Variants in DMD observed in about 807,000 individuals in gnomAD.
DMD encodes the protein mutant dystrophin.
DMD carries 63 observed loss-of-function variants against 330.1 expected under a neutral mutation model. The observed-to-expected ratio is 0.19, with a 90% CI of 0.16 to 0.24. The LOEUF (loss-of-function observed/expected upper bound fraction) is 0.24. Ranked by LOEUF, DMD falls within the 10% of genes least tolerant of loss-of-function variation. The pLI, the probability that DMD is intolerant of heterozygous loss-of-function variation, is 1.00. For missense variants in DMD, 3,344 were observed against 2,684.1 expected (o/e 1.25, Z -5.43); for synonymous variants, 1,223 against 959.8 (o/e 1.27, Z -5.07).
intron 1 of DMD, among the ~76,000 whole-genome samples, chrX:33,047,965 T>G (rs2094405888): frequency 8.9e-6 from 1 of 112,476 alleles, no homozygotes; most frequent in African/African-American, 3.2e-5. Context: ...TTTTCACAAT[T>G]TGTAAACTTA....
chrX:33,240,968 A>T (rs1347626654), intron 1 of DMD, among the ~76,000 whole-genome samples: 1 of 111,971 alleles, frequency 8.9e-6, no homozygotes, highest in African/African-American at 3.2e-5. Context: ...AACCCCTTAT[A>T]AGATGTATGG....
At chrX:31,324,856 C>G (rs1350428949) in intron 61 of DMD, among the ~76,000 whole-genome samples, 1 of 112,064 alleles carries the variant, frequency 8.9e-6, no homozygotes, top group Non-Finnish European at 1.9e-5. Flanking sequence ...AGAACAGCTT[C>G]TAATAAAAGT....
intron 1 of DMD, among the ~76,000 whole-genome samples, chrX:33,198,022 T>C (rs1184101672): frequency 9.0e-6 from 1 of 111,696 alleles, no homozygotes; most frequent in Non-Finnish European, 1.9e-5. Flanking sequence ...TGTACCATTT[T>C]ACATTCCCAT....
At chrX:31,544,355 G>A (rs1215405932) in intron 55 of DMD, among the ~76,000 whole-genome samples, 3 of 107,728 alleles carry the variant, frequency 2.8e-5, no homozygotes, top group Non-Finnish European at 3.8e-5. Context: ...TTCAAGTTAC[G>A]CTACTCCAAA....
At chrX:33,237,582 C>G (rs1464679707) in intron 1 of DMD, among the ~76,000 whole-genome samples, 1 of 111,445 alleles carries the variant, frequency 9.0e-6, no homozygotes, top group East Asian at 2.8e-4. Flanking sequence ...TGAGGTAGGA[C>G]TTTCATACCA....
intron 44 of DMD, among the ~76,000 whole-genome samples, chrX:32,056,308 G>T (rs1256053459): frequency 1.8e-5 from 1 of 57,123 alleles, no homozygotes; most frequent in Non-Finnish European, 3.6e-5. Context: ...AATTGAAATA[G>T]AAAACAATAG....
chrX:32,909,572 T>G (rs2087040110), intron 2 of DMD, among the ~76,000 whole-genome samples: 2 of 111,687 alleles, frequency 1.8e-5, no homozygotes, highest in African/African-American at 3.3e-5. Flanking sequence ...AGTCTCAGCT[T>G]AGTCTGTTAC....
chrX:33,198,784 C>T lies in DMD; in HGVS notation c.31+12498G>A, dbSNP rs755693415. On this transcript the variant is annotated intron_variant, in intron 1 of 78. Transcript: ENST00000357033. ...ACATACATATGGAATCATAACAGTG[C>T]TATGTGTTATGAACAGATGTTACGT... Among the ~76,000 whole-genome samples the T allele has an allele frequency of 2.7e-4, 30 of 110,427 alleles. 1 individual carries two copies. In the South Asian group the frequency reaches 0.011, roughly 39 times the overall value.
intron 43 of DMD, among the ~76,000 whole-genome samples, chrX:32,235,790 C>T (rs945135186): frequency 9.0e-6 from 1 of 111,342 alleles, no homozygotes; most frequent in Non-Finnish European, 1.9e-5. Flanking sequence ...GGATTTTTAA[C>T]TTAATGAAAT....
At chrX:32,807,122 T>TTAAAAAAAAAAAAAAAA (rs1345640031) in intron 7 of DMD, among the ~76,000 whole-genome samples, 6 of 20,746 alleles carry the variant, frequency 2.9e-4, no homozygotes, top group African/African-American at 1.3e-3. Flanking sequence ...CGGAAACATT[T>TTAAAAAAAAAAAAAAAA]AAAAAAAAAA....
At chrX:32,643,950 T>C (rs2059630669) in intron 11 of DMD, among the ~76,000 whole-genome samples, 182 bp downstream of exon 11, 1 of 112,046 alleles carries the variant, frequency 8.9e-6, no homozygotes, top group Non-Finnish European at 1.9e-5. Context: ...TCTGCTCTTT[T>C]AGTTACAAAA....
chrX:31,960,083 A>G (rs2095288122), intron 45 of DMD, among the ~76,000 whole-genome samples: 1 of 107,434 alleles, frequency 9.3e-6, no homozygotes, highest in African/African-American at 3.4e-5. Flanking sequence ...AATCACCTTT[A>G]TCAAGTCTTC....
At chrX:31,466,987 AT>A (rs1346248777) in intron 59 of DMD, among the ~76,000 whole-genome samples, 1 of 111,809 alleles carries the variant, frequency 8.9e-6, no homozygotes, top group Admixed American at 9.5e-5. Flanking sequence ...GCGTATAGGA[AT>A]GCTTACTATT....
chrX:31,339,135 T>C (rs139550395), intron 61 of DMD, among the ~76,000 whole-genome samples: 1,394 of 110,780 alleles, frequency 0.013, 15 homozygotes, highest in African/African-American at 0.042. Flanking sequence ...GAAATTCCCA[T>C]AGCAGAAACA....
intron 21 of DMD, among the ~76,000 whole-genome samples, chrX:32,475,367 A>C (rs1384815756): frequency 9.1e-6 from 1 of 110,376 alleles, no homozygotes; most frequent in Non-Finnish European, 1.9e-5. Flanking sequence ...TTAATTTTAG[A>C]ATTTTTTTTC....
rs780870037 is a variant in DMD at position 32,155,579 on chromosome X, C to T, written c.6438+61337G>A. On this transcript the variant is annotated intron_variant, in intron 44 of 78. Coordinates refer to ENST00000357033, the MANE Select transcript of DMD (RefSeq NM_004006.3). ...ACTCTGCTGGATCATGGATTGGACT[C>T]AATTTCACTCCACACACAGTCTGCA... 7.0e-5 allele frequency: 16 copies of T among 227,020 alleles called. No homozygotes were observed. In the South Asian group the frequency reaches 3.2e-3, roughly 45 times the overall value. The allele number at this position is 227,020 out of a possible 1,213,427, so 18.7% of individuals were successfully genotyped here.
intron 2 of DMD, among the ~76,000 whole-genome samples, chrX:32,892,965 C>G (rs947597992): frequency 9.0e-6 from 1 of 111,465 alleles, no homozygotes; most frequent in African/African-American, 3.3e-5. Flanking sequence ...CAGACATTTT[C>G]TCCTGGGAAG....
intron 45 of DMD, among the ~76,000 whole-genome samples, chrX:31,949,436 C>A (rs924741816): frequency 6.3e-5 from 7 of 111,457 alleles, no homozygotes; most frequent in Non-Finnish European, 1.3e-4. Flanking sequence ...TTCTTAGTAT[C>A]ATTTTCAATT....
intron 48 of DMD, 63 bp from the exon 49 acceptor site, chrX:31,836,882 T>G (rs1217203690): frequency 2.1e-6 from 2 of 970,235 alleles, no homozygotes; most frequent in African/African-American, 3.8e-5. Context: ...TTACTAAATT[T>G]AAATATACCC....
Sources: gnomAD v4.1 joint callset for allele counts (sites outside exome capture counted in the v4.1 genomes callset) on GRCh38, gnomAD v4.1.1 for gene constraint, MANE v1.5 for transcripts, NCBI Gene and HGNC (gene_info 2026-07-23, HGNC 2026-07-21) for gene names.